The following RIMS2 variants were observed in gnomAD, a reference collection of about 807,000 sequenced individuals.
RIMS2 encodes regulating synaptic membrane exocytosis 2, also known as regulating synaptic membrane exocytosis protein 2.
A neutral mutation model predicts 174.4 loss-of-function variants in RIMS2; 59 were observed. That is an observed-to-expected ratio of 0.34 (90% CI 0.27 to 0.42). The LOEUF is 0.42. RIMS2 is among the 10% of genes least tolerant of loss of function. The pLI is 1.00. For missense variants in RIMS2, 1,620 were observed against 1,666.3 expected (o/e 0.97, Z 0.48); for synonymous variants, 606 against 572.5 (o/e 1.06, Z -0.84).
chr8:103,541,945 T>C (rs548524015), intron 1 of RIMS2, among the ~76,000 whole-genome samples: 31 of 152,062 alleles, frequency 2.0e-4, no homozygotes, highest in African/African-American at 6.3e-4. Flanking sequence ...AGTAGATATA[T>C]AAGGCTAACA....
At chr8:103,921,183 C>CT (rs942567733) in intron 9 of RIMS2, among the ~76,000 whole-genome samples, 2 of 152,038 alleles carry the variant, frequency 1.3e-5, no homozygotes, top group Non-Finnish European at 2.9e-5. Context: ...CATTTTATTC[C>CT]TTTTTTTCAT....
intron 1 of RIMS2, among the ~76,000 whole-genome samples, chr8:103,673,882 C>T (rs74935240): frequency 0.03 from 4,610 of 152,256 alleles, 210 homozygotes; most frequent in African/African-American, 0.1. Flanking sequence ...GCTCTATTTC[C>T]TTTGAAATGT....
intron 19 of RIMS2, among the ~76,000 whole-genome samples, chr8:104,109,296 C>CAAAAAAAA (rs1170353786): frequency 1.4e-4 from 7 of 50,164 alleles, no homozygotes; most frequent in Non-Finnish European, 1.6e-4. Flanking sequence ...GACTCTGTCT[C>CAAAAAAAA]AAAAAAAAAA....
chr8:103,739,835 G>A (rs1261182267), intron 2 of RIMS2, among the ~76,000 whole-genome samples: 1 of 152,132 alleles, frequency 6.6e-6, no homozygotes, highest in Non-Finnish European at 1.5e-5. Context: ...GTCTCTAGGA[G>A]CAAAACATAG....
At chr8:103,521,550 C>T (rs1831694130) in intron 1 of RIMS2, among the ~76,000 whole-genome samples, 1 of 151,964 alleles carries the variant, frequency 6.6e-6, no homozygotes, top group Non-Finnish European at 1.5e-5. Context: ...ACATGCTTGC[C>T]ATATTCAATT....
At chr8:104,120,406 C>T (rs567384067) in intron 19 of RIMS2, among the ~76,000 whole-genome samples, 1 of 152,162 alleles carries the variant, frequency 6.6e-6, no homozygotes, top group South Asian at 2.1e-4. Context: ...TGTCTAGTAA[C>T]CTTTTCCTCT....
intron 19 of RIMS2, among the ~76,000 whole-genome samples, chr8:104,078,083 G>T (rs1310983305): frequency 1.3e-5 from 2 of 151,288 alleles, no homozygotes; most frequent in Non-Finnish European, 2.9e-5. Flanking sequence ...GGCAGAGGTT[G>T]CAATGAGCCG....
At chr8:104,125,398 A>T (rs924577694) in intron 19 of RIMS2, among the ~76,000 whole-genome samples, 3 of 152,150 alleles carry the variant, frequency 2.0e-5, no homozygotes, top group African/African-American at 7.2e-5. Flanking sequence ...TTTAATCTGG[A>T]TAATCATAGT....
chr8:103,585,583 G>T (rs1310332713), intron 1 of RIMS2, among the ~76,000 whole-genome samples: 1 of 152,014 alleles, frequency 6.6e-6, no homozygotes, highest in African/African-American at 2.4e-5. Flanking sequence ...TCCTTTGCAG[G>T]GACATGGATG....
intron 19 of RIMS2, among the ~76,000 whole-genome samples, chr8:104,138,262 C>A (rs568259203): frequency 1.1e-4 from 16 of 152,176 alleles, no homozygotes; most frequent in Non-Finnish European, 1.9e-4. Context: ...CATGAGAATG[C>A]AGATATCTCT....
intron 3 of RIMS2, among the ~76,000 whole-genome samples, chr8:103,798,627 C>A (rs537780963): frequency 6.6e-6 from 1 of 152,030 alleles, no homozygotes; most frequent in Non-Finnish European, 1.5e-5. Context: ...TGTATGCATG[C>A]GTTTTAAATT....
At chr8:104,063,266 A>G (rs1466127533) in intron 19 of RIMS2, among the ~76,000 whole-genome samples, 1 of 152,094 alleles carries the variant, frequency 6.6e-6, no homozygotes, top group Non-Finnish European at 1.5e-5. Context: ...ATGTTTAATG[A>G]TCATCCCACA....
intron 2 of RIMS2, among the ~76,000 whole-genome samples, chr8:103,717,138 CT>C (rs11373218): frequency 0.032 from 3,639 of 113,058 alleles, 25 homozygotes; most frequent in African/African-American, 0.049. Flanking sequence ...ATAGTGCCTT[CT>C]TTTTTTTTTT....
intron 1 of RIMS2, among the ~76,000 whole-genome samples, chr8:103,534,461 A>G (rs962868149): frequency 6.6e-6 from 1 of 152,242 alleles, no homozygotes; most frequent in Non-Finnish European, 1.5e-5. Context: ...ATAACATGCT[A>G]AAAGGCAAAT....
rs1167689839 is a variant in RIMS2, at chr8:104,137,208, GCTT to G, written c.3335-107703_3335-107701del. ...CCATCTCTGTTTATATAAAATAGCT[GCTT>G]CTTCAAATAAATCTAATAAGTTTGT... On this transcript the variant is annotated intron_variant, in intron 19 of 23. Coordinates refer to ENST00000504942, the Ensembl canonical transcript of RIMS2. 2.6e-5 allele frequency among the ~76,000 whole-genome samples: 4 copies of G among 152,108 alleles called. No individual in the cohort carries two copies. In the East Asian group the frequency reaches 5.8e-4, roughly 22 times the overall value.
Position 104,077,864 on chromosome 8 carries a change from C to T in RIMS2, c.3334+63249C>T, listed in dbSNP as rs568158230. Among the ~76,000 whole-genome samples the T allele has an allele frequency of 5.2e-4, 79 of 151,546 alleles. 1 individual carries two copies. Among genetic ancestry groups the T allele is most frequent in the African/African-American group, 1.8e-3 (76 of 41,408 alleles). ...CTACAGTTAAAAACTTGGTGGTGGC[C>T]GGGCACGGTGGCTCACGCCCGTAAT... On this transcript the variant is annotated intron_variant, in intron 19 of 23. Transcript: ENST00000504942.
intron 17 of RIMS2, among the ~76,000 whole-genome samples, chr8:104,011,946 G>A (rs969821402): frequency 6.6e-6 from 1 of 151,914 alleles, no homozygotes; most frequent in Non-Finnish European, 1.5e-5. Context: ...ACACTTATTT[G>A]TAAAGAAAAG....
intron 19 of RIMS2, among the ~76,000 whole-genome samples, chr8:104,104,261 T>C (rs2097981653): frequency 6.6e-6 from 1 of 152,110 alleles, no homozygotes; most frequent in Non-Finnish European, 1.5e-5. Context: ...AATGGACAAA[T>C]TAAAGGGTTG....
intron 19 of RIMS2, among the ~76,000 whole-genome samples, chr8:104,070,932 A>G (rs1207376529): frequency 6.6e-6 from 1 of 152,110 alleles, no homozygotes; most frequent in Non-Finnish European, 1.5e-5. Flanking sequence ...GAGCTTCCTA[A>G]CAAGCAGCAA....
Sources: allele counts gnomAD v4.1 joint callset (sites outside exome capture counted in the v4.1 genomes callset), GRCh38; gene constraint gnomAD v4.1.1; transcripts MANE v1.5; gene names NCBI Gene and HGNC (gene_info 2026-07-23, HGNC 2026-07-21).